Variants in RAPGEF4 observed in about 807,000 individuals in gnomAD.
RAPGEF4 encodes RAP guanine-nucleotide-exchange factor (GEF) 4.
Under a neutral mutation model 147.9 loss-of-function variants are expected in RAPGEF4, and 66 were observed. That is an observed-to-expected ratio of 0.45 (90% confidence interval 0.37 to 0.55). The LOEUF is 0.55. RAPGEF4 is among the 20% of genes least tolerant of loss of function. The pLI is 0.00. For synonymous variants in RAPGEF4, 419 were observed against 442.7 expected, an observed-to-expected ratio of 0.95 and a Z score of 0.67; for missense variants, 1,071 against 1,257.3, an observed-to-expected ratio of 0.85 and a Z score of 2.24.
chr2:173,040,952 C>G (rs374330927), intron 29 of RAPGEF4, among the ~76,000 whole-genome samples: 1 of 152,144 alleles, frequency 6.6e-6, no homozygotes, highest in African/African-American at 2.4e-5. Context: ...GCCACTATCC[C>G]AGGCTGCATA....
chr2:172,976,899 T>A (rs543837158), intron 10 of RAPGEF4, among the ~76,000 whole-genome samples: 1 of 152,374 alleles, frequency 6.6e-6, no homozygotes, highest in South Asian at 2.1e-4. Flanking sequence ...CCATTTATTA[T>A]CTTGTCTGTA....
chr2:172,802,799 A>G (rs1044708982), intron 3 of RAPGEF4, among the ~76,000 whole-genome samples: 5 of 152,316 alleles, frequency 3.3e-5, no homozygotes, highest in South Asian at 2.1e-4. Context: ...CCTAGATACA[A>G]TGGGGGTACA....
chr2:172,914,299 CTCAG>C (rs1343353609), intron 4 of RAPGEF4, among the ~76,000 whole-genome samples: 2 of 145,092 alleles, frequency 1.4e-5, no homozygotes, highest in East Asian at 2.0e-4. Flanking sequence ...AGGTTCCTAG[CTCAG>C]TCAAAGGAAA....
In RAPGEF4 at chr2:172,962,574, T is replaced by C. The variant is rs79456627; in HGVS notation, c.698+1346T>C. Among the ~76,000 whole-genome samples the C allele has an allele frequency of 2.7e-4, 41 of 152,204 alleles. No individual in the cohort carries two copies. In the East Asian group the frequency reaches 7.7e-3, roughly 29 times the overall value. ...TTGCAAATTCTTCCTCTTCTGATTA[T>C]TTTTTCTATACTCCATGCAAACTAA... On this transcript the variant is annotated intron_variant, in intron 8 of 30. Coordinates refer to ENST00000397081, the MANE Select transcript of RAPGEF4 (RefSeq NM_007023.4).
intron 4 of RAPGEF4, among the ~76,000 whole-genome samples, chr2:172,913,581 C>G (rs1683692881): frequency 6.6e-6 from 1 of 152,192 alleles, no homozygotes; most frequent in African/African-American, 2.4e-5. Flanking sequence ...GACTCCAAGG[C>G]TGGAGTCAGC....
chr2:172,738,631 G>A (rs1694024097), intron 1 of RAPGEF4, among the ~76,000 whole-genome samples: 1 of 152,114 alleles, frequency 6.6e-6, no homozygotes. Context: ...AGGAATGTAT[G>A]CTCTATTTTT....
chr2:172,961,909 G>A (rs545207465), intron 8 of RAPGEF4, among the ~76,000 whole-genome samples: 151 of 152,210 alleles, frequency 9.9e-4, no homozygotes, highest in Admixed American at 1.5e-3. Context: ...GGATTCCATC[G>A]TAGCATGCAT....
intron 1 of RAPGEF4, among the ~76,000 whole-genome samples, chr2:172,779,766 A>G (rs1323149672): frequency 6.6e-6 from 1 of 152,226 alleles, no homozygotes; most frequent in Non-Finnish European, 1.5e-5. Flanking sequence ...GATCAGTGCC[A>G]TAGTCTGGGG....
At chr2:172,821,600 C>A (rs985534716) in intron 4 of RAPGEF4, 1 of 995,936 alleles carries the variant, frequency 1.0e-6, no homozygotes, top group Non-Finnish European at 1.2e-6. Context: ...TTAAACCAAG[C>A]GGAAGCCTGC....
At chr2:172,831,415 C>G (rs1216125491) in intron 4 of RAPGEF4, among the ~76,000 whole-genome samples, 1 of 151,376 alleles carries the variant, frequency 6.6e-6, no homozygotes, top group African/African-American at 2.4e-5. Context: ...ATTACAGGTG[C>G]CTGCCACCAT....
intron 3 of RAPGEF4, among the ~76,000 whole-genome samples, chr2:172,801,307 A>G (rs1395398635): frequency 6.6e-6 from 1 of 152,180 alleles, no homozygotes; most frequent in East Asian, 1.9e-4. Context: ...GAGGAAAGAG[A>G]AAAGAGGTGA....
At chr2:172,947,837 T>TA (rs1004258967) in intron 6 of RAPGEF4, among the ~76,000 whole-genome samples, 5 of 151,908 alleles carry the variant, frequency 3.3e-5, no homozygotes, top group African/African-American at 1.2e-4. Flanking sequence ...AATATACATG[T>TA]AAAAAAAAGT....
In RAPGEF4 at chr2:173,016,379, C is replaced by T. The variant is rs1414639413; in HGVS notation, c.1840C>T (p.Arg614Trp). 3 of 1,613,594 alleles carry T rather than the reference C, an allele frequency of 1.9e-6. No homozygotes were observed. The highest frequency in any genetic ancestry group is 2.5e-6 in the Non-Finnish European group (3 of 1,179,702). The stretch of plus-strand genomic sequence containing the variant: ...TTATGTATCTGTATCAGATGATGCC[C>T]GGATGATTGCTGCCCTCAAGGAGCA... The part of the protein sequence containing the change: ...EFYVSVSDDA[R>W]MIAALKEQLP... Residue 614 changes from arginine (R) to tryptophan (W), a missense_variant, in exon 19 of 31, where the codon CGG (arginine) becomes TGG (tryptophan). Transcript: ENST00000397081.
intron 4 of RAPGEF4, among the ~76,000 whole-genome samples, chr2:172,865,428 C>T (rs1694526698): frequency 6.6e-6 from 1 of 152,150 alleles, no homozygotes; most frequent in African/African-American, 2.4e-5. Context: ...TCCAGGAAGC[C>T]TTGGAAGGCT....
chr2:172,913,188 G>A (rs548154028), intron 4 of RAPGEF4, among the ~76,000 whole-genome samples: 8 of 152,006 alleles, frequency 5.3e-5, no homozygotes, highest in African/African-American at 9.7e-5. Context: ...GAGCCACTGC[G>A]CCCAGCCCTC....
intron 16 of RAPGEF4, among the ~76,000 whole-genome samples, chr2:172,998,337 G>A (rs915161171): frequency 1.2e-4 from 18 of 152,190 alleles, no homozygotes; most frequent in Middle Eastern, 3.2e-3. Flanking sequence ...GTGAGTGGTC[G>A]GATTTTTACT....
chr2:172,970,895 G>A (rs1559153698), intron 10 of RAPGEF4, among the ~76,000 whole-genome samples: 2 of 152,282 alleles, frequency 1.3e-5, no homozygotes, highest in South Asian at 4.1e-4. Flanking sequence ...GGTTTCGCAG[G>A]TGCAGACCTG....
intron 1 of RAPGEF4, among the ~76,000 whole-genome samples, chr2:172,791,170 A>G (rs969532596): frequency 6.6e-6 from 1 of 152,180 alleles, no homozygotes. Context: ...ACATTGTTGC[A>G]CTGGTGATTA....
At chr2:172,874,393 C>T (rs1695619433) in intron 4 of RAPGEF4, among the ~76,000 whole-genome samples, 1 of 152,080 alleles carries the variant, frequency 6.6e-6, no homozygotes, top group Non-Finnish European at 1.5e-5. Context: ...TGCCATCCCT[C>T]CCTGCTCCCC....
Sources: allele counts gnomAD v4.1 joint callset (sites outside exome capture counted in the v4.1 genomes callset), GRCh38; gene constraint gnomAD v4.1.1; transcripts MANE v1.5; gene names NCBI Gene and HGNC (gene_info 2026-07-23, HGNC 2026-07-21).